ABHD12B: variants seen among roughly 807,000 people sequenced by gnomAD.
ABHD12B encodes the protein protein ABHD12B.
ABHD12B carries 42 observed loss-of-function variants against 50.4 expected under a neutral mutation model. The observed-to-expected ratio is 0.83, with a 90% CI of 0.65 to 1.08. The LOEUF (loss-of-function observed/expected upper bound fraction) is 1.08, where lower values mean the gene tolerates loss of function less well. Ranked by LOEUF, ABHD12B falls within the 50% of genes least tolerant of loss-of-function variation. ABHD12B has a pLI of 0.00. For synonymous variants in ABHD12B, 167 were observed against 160.3 expected (o/e 1.04, Z -0.32); for missense variants, 479 against 447.7 (o/e 1.07, Z -0.63).
intron 5 of ABHD12B, 74 bp from the exon 6 acceptor site, chr14:50,885,540 A>G (rs956506104): frequency 3.4e-5 from 53 of 1,554,214 alleles, no homozygotes; most frequent in Non-Finnish European, 4.4e-6. Flanking sequence ...TGTGATATGG[A>G]TGGATATAGG....
rs116868736 is a variant in ABHD12B, at chr14:50,874,943, A to G, written c.104+2665A>G. On this transcript the variant is annotated intron_variant, in intron 1 of 12. Transcript: ENST00000337334. ...CCTCTTTCCTCTGAAGCTACCAATA[A>G]ATGTTGCTTCCTTCTCCCTTACAAA... is the stretch of plus-strand genomic sequence containing the variant. 2.1e-3 allele frequency among the ~76,000 whole-genome samples: 323 copies of G among 152,356 alleles called. 1 individual carries two copies. The highest frequency in any genetic ancestry group is 3.4e-3 in the Non-Finnish European group (228 of 68,032).
chr14:50,890,753 C>T (rs2050106077), intron 9 of ABHD12B, among the ~76,000 whole-genome samples: 1 of 152,024 alleles, frequency 6.6e-6, no homozygotes, highest in Non-Finnish European at 1.5e-5. Context: ...GGGAAATTAA[C>T]AATATTGTTG....
intron 5 of ABHD12B, among the ~76,000 whole-genome samples, chr14:50,882,346 T>A (rs1340267839): frequency 6.6e-6 from 1 of 150,942 alleles, no homozygotes; most frequent in Admixed American, 6.6e-5. Context: ...TTTCTAGTGG[T>A]TATAGGCTAA....
Position 50,895,769 on chromosome 14 carries a change from A to G in ABHD12B, c.781-6060A>G, listed in dbSNP as rs552678296. The G allele has an allele frequency of 6.7e-4, 102 of 152,090 alleles. 1 individual carries two copies. The highest frequency in any genetic ancestry group is 2.4e-3 in the African/African-American group (99 of 41,460). The allele number at this position is 152,090 out of a possible 1,614,324, so 9.4% of individuals were successfully genotyped here. On this transcript the variant is annotated intron_variant, in intron 9 of 12. Coordinates refer to ENST00000337334, the MANE Select transcript of ABHD12B (RefSeq NM_001206673.2). Reference sequence around the variant, plus strand: ...TCAATACGGAGGCTACTCACTCCCCATTACCTTCTTTTCAAGGGCCTGTTT... The same window carrying G: ...TCAATACGGAGGCTACTCACTCCCCGTTACCTTCTTTTCAAGGGCCTGTTT...
intron 9 of ABHD12B, chr14:50,895,587 C>T (rs373214604): frequency 2.6e-5 from 4 of 152,132 alleles, no homozygotes; most frequent in South Asian, 4.1e-4. Context: ...CCCTGGAACT[C>T]TGGCCCAAGG....
chr14:50,885,819 A>G lies in ABHD12B; in HGVS notation c.586A>G (p.Ile196Val). The change falls in exon 7 of 13, where the codon ATT (isoleucine) becomes GTT (valine). Residue 196 changes from isoleucine to valine, a missense_variant. Coordinates refer to ENST00000337334, the MANE Select transcript of ABHD12B (RefSeq NM_001206673.2). Reference protein sequence around the residue: ...PTEEGLTTDAICVYEWTKARS... With the variant: ...PTEEGLTTDAVCVYEWTKARS... ...AGAGGAGGGACTGACTACGGATGCC[A>G]TTTGTGTCTATGAGTGGACCAAGGC... is the stretch of plus-strand genomic sequence containing the variant. The G allele has an allele frequency of 6.2e-7, 1 of 1,614,116 alleles. No individual in the cohort carries two copies. The highest frequency in any genetic ancestry group is 8.5e-7 in the Non-Finnish European group (1 of 1,180,024).
chr14:50,887,372 A>G (rs2050057206), intron 8 of ABHD12B, among the ~76,000 whole-genome samples: 1 of 152,100 alleles, frequency 6.6e-6, no homozygotes, highest in African/African-American at 2.4e-5. Context: ...AACTGTTAGT[A>G]TCAGAATCTT....
At position 50,897,782 on chromosome 14, in the gene ABHD12B, A is replaced by C. The variant is rs117513342; in HGVS notation, c.781-4047A>C. 3.3e-5 allele frequency among the ~76,000 whole-genome samples: 5 copies of C among 152,354 alleles called. No homozygotes were observed. The East Asian group carries it at 9.6e-4, about 29-fold the overall frequency. On this transcript the variant is annotated intron_variant, in intron 9 of 12. Coordinates refer to ENST00000337334, the MANE Select transcript of ABHD12B (RefSeq NM_001206673.2). ...CCAAGGGGTTGGCGAAGACCACTGC[A>C]CAGGGTTGTTGTGAAGACTGAATTA...
At position 50,888,887 on chromosome 14, in the gene ABHD12B, A is replaced by ATT. The variant is rs2050078481; in HGVS notation, c.765_766dup (p.Tyr256PhefsTer5). 1 of 1,613,990 alleles carries ATT rather than the reference A, an allele frequency of 6.2e-7. No homozygotes were observed. The highest frequency in any genetic ancestry group is 1.3e-5 in the African/African-American group (1 of 74,942). On this transcript the variant is annotated frameshift_variant, in exon 9 of 13. Coordinates refer to ENST00000337334, the MANE Select transcript of ABHD12B (RefSeq NM_001206673.2). LOFTEE classifies it high-confidence loss of function. ...ACCAACATGTGGGTTGCAAGTATCAATTATCCCTTGTTAAAGGTGAGACTC... is the reference window on the plus strand; with the variant it reads ...ACCAACATGTGGGTTGCAAGTATCAATTTTATCCCTTGTTAAAGGTGAGACTC...
At chr14:50,881,060 G>A (rs2049936445) in intron 4 of ABHD12B, among the ~76,000 whole-genome samples, 1 of 152,208 alleles carries the variant, frequency 6.6e-6, no homozygotes, top group African/African-American at 2.4e-5. Flanking sequence ...GGGACCGTCT[G>A]ACTAATTCTA....
intron 9 of ABHD12B, chr14:50,892,992 T>C (rs1260566094): frequency 6.6e-6 from 1 of 152,250 alleles, no homozygotes; most frequent in Non-Finnish European, 1.5e-5. Context: ...TCCAAGAATA[T>C]ACTGTGTATG....
At chr14:50,895,094 A>G (rs1172177762) in intron 9 of ABHD12B, among the ~76,000 whole-genome samples, 1 of 149,910 alleles carries the variant, frequency 6.7e-6, no homozygotes, top group African/African-American at 2.5e-5. Context: ...TTTTTCATCA[A>G]ATATAAAAAT....
intron 3 of ABHD12B, among the ~76,000 whole-genome samples, chr14:50,879,475 A>T (rs1218025112): frequency 6.6e-6 from 1 of 152,232 alleles, no homozygotes; most frequent in East Asian, 1.9e-4. Context: ...TTCAGTAAAT[A>T]TGTCAGATGA....
intron 9 of ABHD12B, among the ~76,000 whole-genome samples, chr14:50,894,645 T>C (rs1300591300): frequency 1.3e-5 from 2 of 152,062 alleles, no homozygotes; most frequent in African/African-American, 4.8e-5. Flanking sequence ...AAGATCTAAA[T>C]AATTCTTGTT....
chr14:50,898,577 G>T (rs977095984), intron 9 of ABHD12B, among the ~76,000 whole-genome samples: 2 of 152,162 alleles, frequency 1.3e-5, no homozygotes, highest in Admixed American at 1.3e-4. Flanking sequence ...GAGTCTCAAA[G>T]GGCACTCCTG....
At chr14:50,875,739 T>G (rs1360075628) in intron 1 of ABHD12B, among the ~76,000 whole-genome samples, 1 of 152,230 alleles carries the variant, frequency 6.6e-6, no homozygotes, top group Non-Finnish European at 1.5e-5. Context: ...TTATTGATGC[T>G]CTGAGGATCT....
chr14:50,888,227 C>T (rs1296176816), intron 8 of ABHD12B, among the ~76,000 whole-genome samples: 2 of 133,632 alleles, frequency 1.5e-5, no homozygotes, highest in East Asian at 2.2e-4. Context: ...TTTTTTGTGG[C>T]GGAGTCTTGC....
rs1048093163 is a variant in ABHD12B at position 50,872,136 on chromosome 14, C to T, written c.-39C>T. ...CGCGGGCGGCTGCTCCGGACTGCAGCTCCCGCGGCGGTGGCGGCGTATCGG... is the reference window on the plus strand; with the variant it reads ...CGCGGGCGGCTGCTCCGGACTGCAGTTCCCGCGGCGGTGGCGGCGTATCGG... On this transcript the variant is annotated 5_prime_UTR_variant, in exon 1 of 13. Coordinates refer to ENST00000337334, the MANE Select transcript of ABHD12B (RefSeq NM_001206673.2). 1.8e-5 allele frequency: 23 copies of T among 1,250,640 alleles called. No individual in the cohort carries two copies. In the African/African-American group the frequency reaches 3.4e-4, roughly 19 times the overall value. 77.5% of individuals were successfully genotyped at this position (1,250,640 alleles called of 1,614,324 possible). A position where few individuals can be genotyped will look rare whatever the true frequency, so the allele number is the denominator to read the frequency against.
chr14:50,887,242 T>G (rs1482066964), intron 8 of ABHD12B, among the ~76,000 whole-genome samples: 1 of 125,910 alleles, frequency 7.9e-6, no homozygotes, highest in African/African-American at 3.2e-5. Flanking sequence ...GTCCTCCTAG[T>G]GATATCATAT....
Sources: gnomAD v4.1 joint callset for allele counts (sites outside exome capture counted in the v4.1 genomes callset) on GRCh38, gnomAD v4.1.1 for gene constraint, MANE v1.5 for transcripts, NCBI Gene and HGNC (gene_info 2026-07-23, HGNC 2026-07-21) for gene names.